HERC1: variants seen among roughly 807,000 people sequenced by gnomAD.
The protein encoded by HERC1 is probable E3 ubiquitin-protein ligase HERC1.
Under a neutral mutation model 554.3 loss-of-function variants are expected in HERC1, and 160 were observed. The ratio of observed to expected loss-of-function variants is 0.29; its 90% confidence interval spans 0.25 to 0.33. The LOEUF (loss-of-function observed/expected upper bound fraction) is 0.33, where lower values mean the gene tolerates loss of function less well. Ranked by LOEUF, HERC1 falls within the 10% of genes least tolerant of loss-of-function variation. HERC1 has a pLI of 1.00. For missense variants in HERC1, 4,919 were observed against 5,918.5 expected (o/e 0.83, Z 5.54); for synonymous variants, 2,175 against 2,131.7 (o/e 1.02, Z -0.56).
At chr15:63,829,590 T>C (rs1178697054) in intron 1 of HERC1, among the ~76,000 whole-genome samples, 2 of 136,728 alleles carry the variant, frequency 1.5e-5, no homozygotes, top group African/African-American at 5.5e-5. Context: ...TATATATATA[T>C]ATATAATATA....
chr15:63,723,221 T>C lies in HERC1; in HGVS notation c.3703A>G (p.Ser1235Gly). Residue 1235 changes from serine (S) to glycine (G), a missense_variant, in exon 19 of 78, where the codon AGC becomes GGC. This residue lies in a region of HERC1 where 1,121 missense variants were observed against 1,244.0 expected (regional missense o/e 0.90). Coordinates refer to ENST00000443617, the MANE Select transcript of HERC1 (RefSeq NM_003922.4). ...TAGTCCTGCATGCTGATCCAAAGGC[T>C]TCGGGCAGGCTCTTTAGAACAACCC... ...ALGCSKEPAR[S>G]LWISMQDYAV... 6.3e-7 allele frequency: 1 copy of C among 1,589,824 alleles called. No homozygotes were observed.
chr15:63,654,003 C>G, intron 51 of HERC1, 116 bp downstream of exon 51: 2 of 739,990 alleles, frequency 2.7e-6, no homozygotes, highest in South Asian at 1.6e-5. Flanking sequence ...TGTATGTGTA[C>G]GTGTGAAAGA....
At position 63,749,454 on chromosome 15, in the gene HERC1, T is replaced by G. The variant is rs370807343; in HGVS notation, c.2132A>C (p.Lys711Thr). The change falls in exon 10 of 78, where the codon AAA (lysine) becomes ACA (threonine). Residue 711 changes from lysine (K) to threonine (T), a missense_variant. Transcript: ENST00000443617. This position sits in a 1 kb window ranked among gnomAD's most constrained non-coding sequence, Gnocchi z 4.1. ...AGCTATGCCATCTAAGCCACTCACT[T>G]TCTTTGGTTTAGTAATAGGACCTGT... is the stretch of plus-strand genomic sequence containing the variant. ...NSTGPITKPK[K>T]VSGLDGIAIQ... 2 of 1,613,746 alleles carry G rather than the reference T, an allele frequency of 1.2e-6. No individual in the cohort carries two copies. Among genetic ancestry groups the G allele is most frequent in the African/African-American group, 2.7e-5 (2 of 74,936 alleles).
chr15:63,651,655 G>T (rs1474551085), intron 52 of HERC1, among the ~76,000 whole-genome samples: 1 of 152,220 alleles, frequency 6.6e-6, no homozygotes, highest in Non-Finnish European at 1.5e-5. Flanking sequence ...GTGTTGTACA[G>T]ATGGTTATTA....
chr15:63,665,506 G>C (rs1434775019), intron 42 of HERC1, among the ~76,000 whole-genome samples: 1 of 152,138 alleles, frequency 6.6e-6, no homozygotes, highest in Admixed American at 6.5e-5. Flanking sequence ...CTGCACTCCA[G>C]CCTGGCGACA....
chr15:63,703,733 A>G (rs1241754335), intron 25 of HERC1, among the ~76,000 whole-genome samples: 1 of 151,960 alleles, frequency 6.6e-6, no homozygotes, highest in Non-Finnish European at 1.5e-5. Context: ...AAATAAAAAA[A>G]TATATAAAAT....
At chr15:63,618,805 T>C (rs191802195) in intron 74 of HERC1, among the ~76,000 whole-genome samples, 5 of 152,316 alleles carry the variant, frequency 3.3e-5, no homozygotes, top group East Asian at 1.9e-4. Flanking sequence ...CTGTCTGTTA[T>C]TGGTGTATAA....
chr15:63,641,331 T>C (rs936823579), intron 60 of HERC1, 139 bp downstream of exon 60: 2 of 616,324 alleles, frequency 3.2e-6, no homozygotes, highest in Admixed American at 7.2e-5. Context: ...AGGCATGACT[T>C]ACCTTCATTT....
Position 63,758,081 on chromosome 15 carries a change from A to C in HERC1, c.1221+94T>G. 1 of 860,774 alleles carries C rather than the reference A, an allele frequency of 1.2e-6. No homozygotes were observed. Among genetic ancestry groups the C allele is most frequent in the Non-Finnish European group, 1.8e-6 (1 of 564,472 alleles). The allele number at this position is 860,774 out of a possible 1,614,324, so 53.3% of individuals were successfully genotyped here. On this transcript the variant is annotated intron_variant, in intron 4 of 77. Transcript: ENST00000443617. The surrounding 1 kb of genome is among the most constrained non-coding windows in gnomAD (Gnocchi z 4.0). ...CCAGAAATAACCATCGATAATTTTCACTCATTTAAAAAATACTCAGTATTA... is the reference window on the plus strand; with the variant it reads ...CCAGAAATAACCATCGATAATTTTCCCTCATTTAAAAAATACTCAGTATTA...
At chr15:63,649,659 C>A in intron 54 of HERC1, 66 bp downstream of exon 54, 3 of 1,322,076 alleles carry the variant, frequency 2.3e-6, no homozygotes, top group Admixed American at 2.3e-5. Flanking sequence ...AAAGCAAATG[C>A]CAAAAAGCTA....
At position 63,616,848 on chromosome 15, in the gene HERC1, G is replaced by A. The variant is rs553375074; in HGVS notation, c.13689-166C>T. ...AATAAAACTAAAAATTCAGTTCTTCGGCTTCCCTAATCACACGTTGAGTTC... is the reference window on the plus strand; with the variant it reads ...AATAAAACTAAAAATTCAGTTCTTCAGCTTCCCTAATCACACGTTGAGTTC... On this transcript the variant is annotated intron_variant, in intron 74 of 77. Transcript: ENST00000443617. 4.6e-5 allele frequency: 29 copies of A among 637,002 alleles called. 1 individual carries two copies. In the South Asian group the frequency reaches 5.5e-4, roughly 12 times the overall value. The allele number at this position is 637,002 out of a possible 1,614,324, so 39.5% of individuals were successfully genotyped here.
intron 19 of HERC1, among the ~76,000 whole-genome samples, chr15:63,719,329 C>T (rs1369290783): frequency 6.6e-6 from 1 of 152,102 alleles, no homozygotes; most frequent in Admixed American, 6.5e-5. Flanking sequence ...AAATGGGTCC[C>T]CTCAGAAAAA....
chr15:63,727,696 C>T lies in HERC1; in HGVS notation c.3297G>A (p.Leu1099=). ...GGTCTTCTAAAAGATCAGCAGCTGG[C>T]AGGAGTCTATTAAGGCAATCAAGAG... ...LPPLDCLNRL[L]PAADLLEDQE... The change falls in exon 17 of 78, where the codon CTG becomes CTA. Residue 1099 remains leucine (L), a synonymous_variant. Coordinates refer to ENST00000443617, the MANE Select transcript of HERC1 (RefSeq NM_003922.4). This position sits in a 1 kb window ranked among gnomAD's most constrained non-coding sequence, Gnocchi z 4.3. The T allele has an allele frequency of 6.2e-7, 1 of 1,613,554 alleles. No individual in the cohort carries two copies. The highest frequency in any genetic ancestry group is 8.5e-7 in the Non-Finnish European group (1 of 1,179,750).
At chr15:63,681,586 T>C (rs2071482650) in intron 34 of HERC1, among the ~76,000 whole-genome samples, 1 of 151,006 alleles carries the variant, frequency 6.6e-6, no homozygotes, top group African/African-American at 2.5e-5. Context: ...CTTACACTGA[T>C]TTAAAAAAAA....
At chr15:63,748,411 A>T (rs1257375588) in intron 10 of HERC1, among the ~76,000 whole-genome samples, 3 of 152,106 alleles carry the variant, frequency 2.0e-5, no homozygotes. Flanking sequence ...ATGTCCACTC[A>T]CCTGAAAGCA....
intron 1 of HERC1, among the ~76,000 whole-genome samples, chr15:63,782,890 G>A (rs905138289): frequency 6.6e-6 from 1 of 152,224 alleles, no homozygotes; most frequent in African/African-American, 2.4e-5. Context: ...AGTAACTGCA[G>A]ACGTGGTGGA....
At chr15:63,829,499 T>TACACACACAC (rs59580148) in intron 1 of HERC1, among the ~76,000 whole-genome samples, 1 of 53,370 alleles carries the variant, frequency 1.9e-5, no homozygotes, top group African/African-American at 5.8e-5. Flanking sequence ...TATATATATA[T>TACACACACAC]ACACACACAC....
chr15:63,672,205 A>T (rs2070966707), intron 39 of HERC1, among the ~76,000 whole-genome samples: 1 of 152,184 alleles, frequency 6.6e-6, no homozygotes, highest in African/African-American at 2.4e-5. Context: ...TCAAAAACTT[A>T]GGGGAAAAAA....
rs1450807409 is a variant in HERC1, at chr15:63,696,229, T to G, written c.5016A>C (p.Thr1672=). 11 of 1,613,410 alleles carry G rather than the reference T, an allele frequency of 6.8e-6. No homozygotes were observed. Among genetic ancestry groups the G allele is most frequent in the Non-Finnish European group, 8.5e-6 (10 of 1,179,652 alleles). ...ACTGCAGCCTCACAGACGTGAGTAGTGTGGAGGACTGGAAGCCTGAACTCA... is the reference window on the plus strand; with the variant it reads ...ACTGCAGCCTCACAGACGTGAGTAGGGTGGAGGACTGGAAGCCTGAACTCA... ...SRLSSGFQSS[T]LLTSVRLQFL... is the part of the protein sequence containing the mutation. The change falls in exon 27 of 78, where the codon ACA becomes ACC. Residue 1672 remains threonine (T), a synonymous_variant. Transcript: ENST00000443617.
Sources: gnomAD v4.1 joint callset for allele counts (sites outside exome capture counted in the v4.1 genomes callset) on GRCh38, gnomAD v4.1.1 for gene constraint, gnomAD v4.1.1 regional missense constraint, Gnocchi (gnomAD v3.1) non-coding constraint, MANE v1.5 for transcripts, NCBI Gene and HGNC (gene_info 2026-07-23, HGNC 2026-07-21) for gene names.